Variants in NUP62CL observed in about 807,000 individuals in gnomAD.
The protein encoded by NUP62CL is nucleoporin-62 C-terminal-like protein.
Under a neutral mutation model 15.3 loss-of-function variants are expected in NUP62CL, and 13 were observed. That is an observed-to-expected ratio of 0.85 (90% CI 0.55 to 1.35). The LOEUF is 1.35. Ranked by LOEUF, NUP62CL falls within the 40% of genes most tolerant of loss-of-function variation. NUP62CL has a pLI of 0.00. For synonymous variants in NUP62CL, 54 were observed against 49.2 expected (o/e 1.10, Z -0.41); for missense variants, 123 against 130.6 (o/e 0.94, Z 0.28).
At chrX:107,164,357 T>C (rs934080677) in intron 4 of NUP62CL, among the ~76,000 whole-genome samples, 1 of 110,882 alleles carries the variant, frequency 9.0e-6, no homozygotes, top group Non-Finnish European at 1.9e-5. Flanking sequence ...AAGTGTTGAG[T>C]TGGGTATTTA....
intron 3 of NUP62CL, among the ~76,000 whole-genome samples, chrX:107,169,765 T>C (rs752179426): frequency 4.0e-4 from 45 of 111,904 alleles, no homozygotes; most frequent in Non-Finnish European, 8.5e-4. Flanking sequence ...TATTGATTAA[T>C]TCAACCAAAC....
intron 1 of NUP62CL, among the ~76,000 whole-genome samples, chrX:107,197,670 T>C (rs898635474): frequency 1.8e-5 from 2 of 108,990 alleles, no homozygotes; most frequent in East Asian, 5.7e-4. Context: ...CCAAAAATCA[T>C]CAGAGCTTAT....
At chrX:107,164,925 C>A (rs1268585174) in intron 4 of NUP62CL, among the ~76,000 whole-genome samples, 2 of 112,102 alleles carry the variant, frequency 1.8e-5, no homozygotes, top group African/African-American at 6.5e-5. Flanking sequence ...ACGGTGAAAC[C>A]CCGTCTCTAC....
At chrX:107,192,536 C>T (rs1354895219) in intron 2 of NUP62CL, among the ~76,000 whole-genome samples, 1 of 110,939 alleles carries the variant, frequency 9.0e-6, no homozygotes, top group African/African-American at 3.3e-5. Flanking sequence ...CATACTACCA[C>T]GCCCGGCTAA....
intron 8 of NUP62CL, among the ~76,000 whole-genome samples, chrX:107,138,565 A>G (rs1925695214): frequency 8.9e-6 from 1 of 112,295 alleles, no homozygotes; most frequent in Non-Finnish European, 1.9e-5. Context: ...GAAAAGGTTC[A>G]GCACCATCAT....
At chrX:107,131,826 G>T in intron 8 of NUP62CL, 1 of 1,097,236 alleles carries the variant, frequency 9.1e-7, no homozygotes, top group Non-Finnish European at 1.3e-6. Flanking sequence ...TTGCTGGGGA[G>T]TATGAAGACA....
intron 8 of NUP62CL, among the ~76,000 whole-genome samples, chrX:107,137,183 T>C (rs931727610): frequency 1.2e-4 from 13 of 112,055 alleles, no homozygotes; most frequent in Non-Finnish European, 1.9e-5. Flanking sequence ...CAAAATCCAG[T>C]ACCTGTTCAT....
At chrX:107,154,556 T>C (rs1926128204) in intron 4 of NUP62CL, among the ~76,000 whole-genome samples, 1 of 112,015 alleles carries the variant, frequency 8.9e-6, no homozygotes, top group Non-Finnish European at 1.9e-5. Flanking sequence ...CAGCTCAGCA[T>C]GAGAGAAGCT....
intron 8 of NUP62CL, among the ~76,000 whole-genome samples, chrX:107,140,294 C>T: frequency 9.0e-6 from 1 of 111,586 alleles, no homozygotes; most frequent in Non-Finnish European, 1.9e-5. Context: ...TCTACCTTTT[C>T]TAGGAAATCA....
intron 8 of NUP62CL, among the ~76,000 whole-genome samples, chrX:107,133,792 T>G (rs7883883): frequency 0.37 from 40,948 of 110,999 alleles, 8,141 homozygotes; most frequent in African/African-American, 0.77. Flanking sequence ...ACAAAAATTA[T>G]CCAGGTATGG....
chrX:107,168,884 G>A (rs1249021065), intron 3 of NUP62CL, among the ~76,000 whole-genome samples: 1 of 111,999 alleles, frequency 8.9e-6, no homozygotes, highest in Non-Finnish European at 1.9e-5. Context: ...AGGGAGGCTG[G>A]CCTGAGGGAA....
chrX:107,163,092 T>C (rs938851491), intron 4 of NUP62CL, among the ~76,000 whole-genome samples: 1 of 111,610 alleles, frequency 9.0e-6, no homozygotes, highest in East Asian at 2.8e-4. Context: ...AAAATGGGTA[T>C]AGACAAGGTA....
chrX:107,187,835 C>G (rs1927105970), intron 2 of NUP62CL, among the ~76,000 whole-genome samples: 1 of 112,563 alleles, frequency 8.9e-6, no homozygotes, highest in Admixed American at 9.4e-5. Context: ...CAAAAGAATA[C>G]TATGCCCATG....
intron 7 of NUP62CL, 136 bp from the exon 8 acceptor site, chrX:107,147,945 A>AT (rs1422172126): frequency 1.3e-5 from 6 of 466,678 alleles, no homozygotes; most frequent in African/African-American, 7.3e-5. Flanking sequence ...CTAAATACTA[A>AT]TTTTTTTGTT....
intron 4 of NUP62CL, among the ~76,000 whole-genome samples, chrX:107,161,114 T>C (rs1195185885): frequency 2.8e-5 from 3 of 107,803 alleles, no homozygotes; most frequent in Non-Finnish European, 3.8e-5. Context: ...ATGGCAATCA[T>C]TGAAAAGTCA....
chrX:107,182,207 T>G (rs1257722638), intron 2 of NUP62CL, among the ~76,000 whole-genome samples: 1 of 111,614 alleles, frequency 9.0e-6, no homozygotes, highest in African/African-American at 3.3e-5. Flanking sequence ...AAGATCAGAG[T>G]TGTTCGACAT....
At chrX:107,176,909 C>A (rs1006235050) in intron 2 of NUP62CL, among the ~76,000 whole-genome samples, 1 of 110,982 alleles carries the variant, frequency 9.0e-6, no homozygotes, top group Non-Finnish European at 1.9e-5. Context: ...CCATCAGAAA[C>A]AAAACAAGGA....
At chrX:107,151,045 A>G (rs1179021489) in intron 7 of NUP62CL, 2 of 304,175 alleles carry the variant, frequency 6.6e-6, no homozygotes, top group Non-Finnish European at 1.3e-5. Flanking sequence ...TATAAACATG[A>G]CACTACCAAT....
chrX:107,133,687 T>A (rs1427887398), intron 8 of NUP62CL, among the ~76,000 whole-genome samples: 1 of 112,473 alleles, frequency 8.9e-6, no homozygotes, highest in Non-Finnish European at 1.9e-5. Context: ...ACGCCTGTGA[T>A]CCCGGCACTT....
Sources: allele counts gnomAD v4.1 joint callset (sites outside exome capture counted in the v4.1 genomes callset), GRCh38; gene constraint gnomAD v4.1.1; transcripts MANE v1.5; gene names NCBI Gene and HGNC (gene_info 2026-07-23, HGNC 2026-07-21).